Variants in MPHOSPH9 observed in about 807,000 individuals in gnomAD.
MPHOSPH9 encodes M-phase phosphoprotein 9.
A neutral mutation model predicts 145.5 loss-of-function variants in MPHOSPH9; 88 were observed. The ratio of observed to expected loss-of-function variants is 0.60; its 90% CI spans 0.51 to 0.72. The LOEUF is 0.72. MPHOSPH9 is among the 30% of genes least tolerant of loss of function. The pLI is 0.00. For missense variants in MPHOSPH9, 1,238 were observed against 1,386.6 expected (o/e 0.89, Z 1.70); for synonymous variants, 435 against 486.2 (o/e 0.89, Z 1.39).
chr12:123,186,575 C>T (rs1593131175), intron 13 of MPHOSPH9, among the ~76,000 whole-genome samples: 2 of 152,118 alleles, frequency 1.3e-5, no homozygotes, highest in East Asian at 1.9e-4. Flanking sequence ...AAACATACAC[C>T]CAGAATCACA....
Position 123,221,589 on chromosome 12 carries a change from T to C in MPHOSPH9, c.655A>G (p.Met219Val). ...CCTTTGGGAACATCTATGTGCTCCA[T>C]GAACTCCTTAGGGTCTTTAGATTTG... ...LYKSKDPKEF[M>V]EHIDVPKGQY... The change falls in exon 5 of 24, where the codon ATG becomes GTG. Residue 219 changes from methionine (M) to valine (V), a missense_variant. Met to Val is a conservative substitution (Grantham distance 21). This residue lies in a region of MPHOSPH9 where 837 missense variants were observed against 897.5 expected (regional missense o/e 0.93). Transcript: ENST00000606320. 6.2e-7 allele frequency: 1 copy of C among 1,614,158 alleles called. No individual in the cohort carries two copies. Among genetic ancestry groups the C allele is most frequent in the Non-Finnish European group, 8.5e-7 (1 of 1,179,958 alleles).
chr12:123,166,268 G>A (rs966611378), intron 17 of MPHOSPH9: 13 of 218,410 alleles, frequency 6.0e-5, no homozygotes, highest in African/African-American at 1.7e-4. Flanking sequence ...CACCATGCCC[G>A]GCTAATATAT....
At chr12:123,198,450 T>C in intron 11 of MPHOSPH9, 116 bp from the exon 12 acceptor site, 4 of 795,836 alleles carry the variant, frequency 5.0e-6, no homozygotes, top group Non-Finnish European at 8.0e-6. Context: ...CAGTGTTAAC[T>C]AAGACTCAGG....
rs1296013101 is a variant in MPHOSPH9 at position 123,154,622 on chromosome 12, C to T, written c.*2185G>A. 1 of 152,130 alleles carries T rather than the reference C, an allele frequency of 6.6e-6. No individual in the cohort carries two copies. The highest frequency in any genetic ancestry group is 1.5e-5 in the Non-Finnish European group (1 of 68,022). 9.4% of individuals were successfully genotyped at this position (152,130 alleles called of 1,614,324 possible). On this transcript the variant is annotated 3_prime_UTR_variant, in exon 24 of 24. Coordinates refer to ENST00000606320, the MANE Select transcript of MPHOSPH9 (RefSeq NM_022782.4). Reference sequence around the variant, plus strand: ...TTCCTTGGCAAGATAAAACTATCATCTCTTCTGAAATGGCATTTTTTAATT... The same window carrying T: ...TTCCTTGGCAAGATAAAACTATCATTTCTTCTGAAATGGCATTTTTTAATT...
At chr12:123,215,375 G>A (rs2046913484) in intron 6 of MPHOSPH9, among the ~76,000 whole-genome samples, 1 of 151,992 alleles carries the variant, frequency 6.6e-6, no homozygotes, top group Non-Finnish European at 1.5e-5. Context: ...GAGCTGGAAG[G>A]AGAAAAATGG....
chr12:123,232,431 T>C (rs2047692669), intron 1 of MPHOSPH9, among the ~76,000 whole-genome samples: 1 of 152,164 alleles, frequency 6.6e-6, no homozygotes, highest in Non-Finnish European at 1.5e-5. Flanking sequence ...GCTTTTATAT[T>C]TCCCAGCAAC....
chr12:123,231,849 C>G (rs2047649858), intron 1 of MPHOSPH9, among the ~76,000 whole-genome samples: 1 of 150,518 alleles, frequency 6.6e-6, no homozygotes, highest in Admixed American at 6.7e-5. Flanking sequence ...AGCAAGGGAG[C>G]AAGAGGAAAA....
intron 7 of MPHOSPH9, among the ~76,000 whole-genome samples, chr12:123,213,476 A>G (rs2046831996): frequency 6.6e-6 from 1 of 152,032 alleles, no homozygotes. Flanking sequence ...AGTAGCTAGC[A>G]CTACAGGCGC....
intron 13 of MPHOSPH9, among the ~76,000 whole-genome samples, chr12:123,184,071 T>C (rs2138136429): frequency 6.6e-6 from 1 of 151,952 alleles, no homozygotes; most frequent in South Asian, 2.1e-4. Flanking sequence ...CCAGGTCTGG[T>C]GGCATGTGCC....
intron 13 of MPHOSPH9, among the ~76,000 whole-genome samples, chr12:123,189,509 G>T (rs1038049533): frequency 8.5e-5 from 13 of 152,300 alleles, no homozygotes; most frequent in African/African-American, 2.6e-4. Context: ...CTGGCAAAAG[G>T]AAAGTGGATA....
chr12:123,210,027 C>T lies in MPHOSPH9; in HGVS notation c.1194+29G>A, dbSNP rs148423862. ...CTGGGATTACAGGCGTAAGCCACCG[C>T]GCCCGGCCACCGTGTGTTTTTAAAT... On this transcript the variant is annotated intron_variant, in intron 8 of 23. Coordinates refer to ENST00000606320, the MANE Select transcript of MPHOSPH9 (RefSeq NM_022782.4). 1,858 of 1,540,862 alleles carry T rather than the reference C, an allele frequency of 1.2e-3. 5 individuals carry two copies. Among genetic ancestry groups the T allele is most frequent in the South Asian group, 3.5e-3 (305 of 85,964 alleles).
chr12:123,238,402 T>C (rs1289871811), intron 1 of MPHOSPH9, among the ~76,000 whole-genome samples: 1 of 152,112 alleles, frequency 6.6e-6, no homozygotes, highest in Non-Finnish European at 1.5e-5. Flanking sequence ...ATCTCCTTCT[T>C]AAGGAAGAGA....
intron 23 of MPHOSPH9, 150 bp downstream of exon 23, chr12:123,160,631 T>C (rs2044065879): frequency 1.6e-6 from 1 of 628,982 alleles, no homozygotes; most frequent in African/African-American, 1.9e-5. Flanking sequence ...ATTGCTATAA[T>C]CAAACACTTC....
intron 7 of MPHOSPH9, among the ~76,000 whole-genome samples, chr12:123,214,350 G>A (rs1023657235): frequency 3.9e-5 from 6 of 152,034 alleles, no homozygotes; most frequent in Non-Finnish European, 8.8e-5. Flanking sequence ...ACCAGCTGAG[G>A]CAACATGGCG....
chr12:123,177,460 C>T (rs1014157465), intron 15 of MPHOSPH9, among the ~76,000 whole-genome samples: 2 of 151,540 alleles, frequency 1.3e-5, no homozygotes, highest in Admixed American at 6.6e-5. Flanking sequence ...GGCTTGAACC[C>T]GGGAGGCGGA....
chr12:123,200,784 G>A (rs1031231257), intron 11 of MPHOSPH9, among the ~76,000 whole-genome samples: 4 of 151,314 alleles, frequency 2.6e-5, no homozygotes, highest in Admixed American at 6.6e-5. Flanking sequence ...TCAGCCTCCC[G>A]AGTATCTGGG....
At chr12:123,181,081 G>A in intron 14 of MPHOSPH9, 82 bp downstream of exon 14, 1 of 1,288,582 alleles carries the variant, frequency 7.8e-7, no homozygotes, top group Admixed American at 1.7e-5. Context: ...GGTGCAAGGA[G>A]GAGAAGAGTC....
Position 123,223,072 on chromosome 12 carries a change from ACTAT to A in MPHOSPH9, c.310_313del (p.Ile104LeufsTer18). ...GTTGTGGAACTGCTCCTGCTGGGCA[ACTAT>A]CTGTTCTTGGCATTGTTTTTCCACC... On this transcript the variant is annotated frameshift_variant, in exon 4 of 24. Coordinates refer to ENST00000606320, the MANE Select transcript of MPHOSPH9 (RefSeq NM_022782.4). LOFTEE classifies it high-confidence loss of function. 1 of 1,513,574 alleles carries A rather than the reference ACTAT, an allele frequency of 6.6e-7. No homozygotes were observed. The highest frequency in any genetic ancestry group is 8.8e-7 in the Non-Finnish European group (1 of 1,136,862). The allele number at this position is 1,513,574 out of a possible 1,614,324, so 93.8% of individuals were successfully genotyped here.
At chr12:123,224,028 G>T (rs1284590143) in intron 3 of MPHOSPH9, among the ~76,000 whole-genome samples, 4 of 150,906 alleles carry the variant, frequency 2.7e-5, no homozygotes, top group Non-Finnish European at 4.4e-5. Flanking sequence ...TCCGCCTCCC[G>T]TGTTCAAGCA....
Sources: gnomAD v4.1 joint callset for allele counts (sites outside exome capture counted in the v4.1 genomes callset) on GRCh38, gnomAD v4.1.1 for gene constraint, gnomAD v4.1.1 regional missense constraint, MANE v1.5 for transcripts, NCBI Gene and HGNC (gene_info 2026-07-23, HGNC 2026-07-21) for gene names.